Variants in PLOD2 observed in about 807,000 individuals in gnomAD.
PLOD2 encodes procollagen-lysine,2-oxoglutarate 5-dioxygenase 2.
Under a neutral mutation model 101.0 loss-of-function variants are expected in PLOD2, and 65 were observed. The ratio of observed to expected loss-of-function variants is 0.64; its 90% CI spans 0.53 to 0.79. The LOEUF (loss-of-function observed/expected upper bound fraction) is 0.79, where lower values mean the gene tolerates loss of function less well. PLOD2 is among the 30% of genes least tolerant of loss of function. The pLI is 0.00. For synonymous variants in PLOD2, 314 were observed against 302.9 expected, an observed-to-expected ratio of 1.04 and a Z score of -0.38; for missense variants, 909 against 914.6, an observed-to-expected ratio of 0.99 and a Z score of 0.08.
chr3:146,117,109 G>A (rs1320237984), intron 3 of PLOD2, among the ~76,000 whole-genome samples: 2 of 151,994 alleles, frequency 1.3e-5, no homozygotes, highest in African/African-American at 4.8e-5. Flanking sequence ...ACTTACAAAT[G>A]TTTATGGCAT....
chr3:146,137,926 A>T (rs2031328047), intron 1 of PLOD2, among the ~76,000 whole-genome samples: 1 of 152,194 alleles, frequency 6.6e-6, no homozygotes, highest in Non-Finnish European at 1.5e-5. Context: ...AAATCAAGAC[A>T]AGTTGAGGTA....
chr3:146,129,889 G>C (rs1046210583), intron 1 of PLOD2, among the ~76,000 whole-genome samples: 18 of 152,118 alleles, frequency 1.2e-4, no homozygotes, highest in African/African-American at 4.3e-4. Flanking sequence ...ATCAGCACTA[G>C]CTCAGGTTTC....
At chr3:146,097,086 AG>A (rs1301969116) in intron 7 of PLOD2, among the ~76,000 whole-genome samples, 1 of 137,590 alleles carries the variant, frequency 7.3e-6, no homozygotes, top group Non-Finnish European at 1.6e-5. Flanking sequence ...GGAAGTGAGG[AG>A]CCCCTCTGCC....
At chr3:146,085,689 T>C (rs972973042) in intron 10 of PLOD2, 6 of 186,976 alleles carry the variant, frequency 3.2e-5, no homozygotes, top group Non-Finnish European at 6.5e-5. Context: ...TTTACAAACT[T>C]GATTTTCATC....
At chr3:146,110,542 G>T in intron 3 of PLOD2, 94 bp from the exon 4 acceptor site, 1 of 974,352 alleles carries the variant, frequency 1.0e-6, no homozygotes, top group South Asian at 1.5e-5. Context: ...TCAGAATCAA[G>T]AATACAATGC....
Position 146,088,622 on chromosome 3 carries a change from G to A in PLOD2, c.969C>T (p.Tyr323=), listed in dbSNP as rs751518874. 5.0e-6 allele frequency: 8 copies of A among 1,591,374 alleles called. No homozygotes were observed. The highest frequency in any genetic ancestry group is 2.2e-5 in the South Asian group (2 of 90,478). Residue 323 remains tyrosine, a synonymous_variant, in exon 9 of 20, where the codon TAC becomes TAT. Coordinates refer to ENST00000282903, the MANE Select transcript of PLOD2 (RefSeq NM_182943.3). ...TAAAAAGTTTAAGTGCTTCTTTTGG[G>A]TAATCCAGTGTCAACAATATGTCCA... is the stretch of plus-strand genomic sequence containing the variant. ...RFLDILLTLD[Y]PKEALKLFIH...
rs200189099 is a variant in PLOD2 at position 146,085,245 on chromosome 3, C to T, written c.1156G>A (p.Asp386Asn). ...TCTGCATCCACACTAAAGTAATAAT[C>T]ACACTTTTCATCCTGACGGCAAAAG... Reference protein sequence around the residue: ...MDFCRQDEKCDYYFSVDADVV... With the variant: ...MDFCRQDEKCNYYFSVDADVV... Residue 386 changes from aspartate to asparagine, a missense_variant, in exon 11 of 20, where the codon GAT becomes AAT. By Grantham distance (23) the Asp-to-Asn change is conservative (BLOSUM62 1). Transcript: ENST00000282903. 4.7e-5 allele frequency: 75 copies of T among 1,605,600 alleles called. No homozygotes were observed. In the East Asian group the frequency reaches 1.5e-3, roughly 33 times the overall value.
Position 146,088,461 on chromosome 3 carries a change from G to A in PLOD2, c.1005+125C>T, listed in dbSNP as rs775812577. ...CCTTAGGTCCTAAAAAGGCAGGGCT[G>A]TAATTACTCCAAAAATCCTCCACTG... On this transcript the variant is annotated intron_variant, in intron 9 of 19. Coordinates refer to ENST00000282903, the MANE Select transcript of PLOD2 (RefSeq NM_182943.3). 8.8e-6 allele frequency: 6 copies of A among 684,096 alleles called. No homozygotes were observed. In the Admixed American group the frequency reaches 1.2e-4, roughly 14 times the overall value. The allele number at this position is 684,096 out of a possible 1,614,324, so 42.4% of individuals were successfully genotyped here.
intron 8 of PLOD2, among the ~76,000 whole-genome samples, chr3:146,091,433 C>T (rs1364249779): frequency 6.6e-6 from 1 of 151,602 alleles, no homozygotes; most frequent in Non-Finnish European, 1.5e-5. Context: ...TTTTACATAT[C>T]AACTTTGAAA....
chr3:146,072,628 T>C lies in PLOD2; in HGVS notation c.1781A>G (p.Glu594Gly). The stretch of plus-strand genomic sequence containing the variant: ...TTCTACCAATTCATCACAGGCTTTT[T>C]CAGAAAATATGGGGAACCAAAAGAC... ...PDVFWFPIFS[E>G]KACDELVEEM... Residue 594 changes from glutamate (E) to glycine (G), a missense_variant, in exon 17 of 20, where the codon GAA (glutamate) becomes GGA (glycine). Transcript: ENST00000282903. 6.2e-7 allele frequency: 1 copy of C among 1,610,412 alleles called. No individual in the cohort carries two copies. The highest frequency in any genetic ancestry group is 8.5e-7 in the Non-Finnish European group (1 of 1,177,392).
intron 1 of PLOD2, among the ~76,000 whole-genome samples, chr3:146,158,573 T>C (rs2032411284): frequency 6.6e-6 from 1 of 152,210 alleles, no homozygotes; most frequent in South Asian, 2.1e-4. Flanking sequence ...CCAGTAACAC[T>C]ATAATGCCAT....
intron 9 of PLOD2, among the ~76,000 whole-genome samples, chr3:146,088,221 T>A (rs1025067699): frequency 6.6e-6 from 1 of 151,616 alleles, no homozygotes; most frequent in African/African-American, 2.4e-5. Flanking sequence ...TGTTATTGTC[T>A]TAAATCACAA....
intron 7 of PLOD2, among the ~76,000 whole-genome samples, chr3:146,097,160 A>C (rs1223532708): frequency 2.9e-5 from 4 of 139,372 alleles, no homozygotes; most frequent in African/African-American, 5.4e-5. Context: ...CCAGCCGCCC[A>C]GTCCGGGAGG....
chr3:146,159,725 T>G (rs2032478594), intron 1 of PLOD2, among the ~76,000 whole-genome samples: 1 of 152,216 alleles, frequency 6.6e-6, no homozygotes, highest in Admixed American at 6.5e-5. Flanking sequence ...AATGGTCACA[T>G]ATACCTAACA....
At chr3:146,085,648 T>C (rs191968633) in intron 10 of PLOD2, 5 of 252,532 alleles carry the variant, frequency 2.0e-5, no homozygotes, top group Admixed American at 1.6e-4. Context: ...ATGTTGGAGA[T>C]GTAAGTATAT....
chr3:146,096,885 G>GGGA (rs1285406857), intron 7 of PLOD2, among the ~76,000 whole-genome samples: 35 of 91,816 alleles, frequency 3.8e-4, no homozygotes, highest in Non-Finnish European at 5.4e-4. Flanking sequence ...GGAGGTGGGG[G>GGGA]GGGGGAGTCG....
At position 146,161,181 on chromosome 3, in the gene PLOD2, C is replaced by G; in HGVS notation, c.-192G>C. On this transcript the variant is annotated 5_prime_UTR_variant, in exon 1 of 20. Transcript: ENST00000282903. ...TGAGGTCGTCGGTGGAGGCACGGAGCAGCAGGCGCCCGGGGCGCTGCGGAG... is the reference window on the plus strand; with the variant it reads ...TGAGGTCGTCGGTGGAGGCACGGAGGAGCAGGCGCCCGGGGCGCTGCGGAG... The G allele has an allele frequency of 2.7e-6, 1 of 374,724 alleles. No individual in the cohort carries two copies. 23.2% of individuals were successfully genotyped at this position (374,724 alleles called of 1,614,324 possible). A position where few individuals can be genotyped will look rare whatever the true frequency, so the allele number is the denominator to read the frequency against.
chr3:146,070,844 T>C lies in PLOD2; in HGVS notation c.2150A>G (p.Asn717Ser), dbSNP rs1171673791. 1.9e-6 allele frequency: 3 copies of C among 1,610,652 alleles called. No homozygotes were observed. The highest frequency in any genetic ancestry group is 2.2e-5 in the East Asian group (1 of 44,756). The change falls in exon 20 of 20, where the codon AAT becomes AGT. Residue 717 changes from asparagine (N) to serine (S), a missense_variant. Transcript: ENST00000282903. ...QGGGCKFLRY[N>S]CSIESPRKGW... The stretch of plus-strand genomic sequence containing the variant: ...TTTTCGTGGTGACTCAATAGAGCAA[T>C]TGTACCTTAGAAATTTGCAACCACC...
Position 146,073,318 on chromosome 3 carries a change from G to A in PLOD2, c.1712C>T (p.Ser571Leu). The change falls in exon 16 of 20, where the codon TCA (serine) becomes TTA (leucine). Residue 571 changes from serine (S) to leucine (L), a missense_variant. Coordinates refer to ENST00000282903, the MANE Select transcript of PLOD2 (RefSeq NM_182943.3). The part of the protein sequence containing the change: ...WKEKYINRDY[S>L]KIFTENIVEQ... ...AACTATATTTTCAGTGAAAATCTTT[G>A]AATAATCACGGTTTATATACTTTTC... 1.6e-6 allele frequency: 2 copies of A among 1,230,434 alleles called. No individual in the cohort carries two copies. Among genetic ancestry groups the A allele is most frequent in the East Asian group, 2.4e-5 (1 of 41,630 alleles). 76.2% of individuals were successfully genotyped at this position (1,230,434 alleles called of 1,614,324 possible). A position where few individuals can be genotyped will look rare whatever the true frequency, so the allele number is the denominator to read the frequency against.
Sources: gnomAD v4.1 joint callset for allele counts (sites outside exome capture counted in the v4.1 genomes callset) on GRCh38, gnomAD v4.1.1 for gene constraint, MANE v1.5 for transcripts, NCBI Gene and HGNC (gene_info 2026-07-23, HGNC 2026-07-21) for gene names.